The following PLEKHH2 variants were observed in gnomAD, a reference collection of about 807,000 sequenced individuals.
The protein encoded by PLEKHH2 is pleckstrin homology, MyTH4 and FERM domain containing H2.
A neutral mutation model predicts 187.9 loss-of-function variants in PLEKHH2; 129 were observed. The ratio of observed to expected loss-of-function variants is 0.69; its 90% CI spans 0.59 to 0.79. The LOEUF is 0.79. Among genes scored for constraint, PLEKHH2 ranks in the 30% least tolerant of loss-of-function variants. The pLI is 0.00. For missense variants in PLEKHH2, 2,076 were observed against 1,751.2 expected, an observed-to-expected ratio of 1.19 and a Z score of -3.31; for synonymous variants, 686 against 605.6, an observed-to-expected ratio of 1.13 and a Z score of -1.95.
At chr2:43,710,706 C>G in intron 14 of PLEKHH2, 131 bp downstream of exon 14, 2 of 1,440,416 alleles carry the variant, frequency 1.4e-6, no homozygotes, top group Non-Finnish European at 1.8e-6. Context: ...TAGTTTGATG[C>G]CTTGGAAGTA....
chr2:43,706,212 A>C (rs748914354), intron 9 of PLEKHH2, 110 bp from the exon 10 acceptor site: 4 of 771,748 alleles, frequency 5.2e-6, no homozygotes, highest in Non-Finnish European at 9.0e-6. Flanking sequence ...ATCATGTATT[A>C]ATCGAATTGC....
intron 28 of PLEKHH2, 58 bp downstream of exon 28, chr2:43,762,448 C>A: frequency 7.8e-7 from 1 of 1,286,452 alleles, no homozygotes; most frequent in Non-Finnish European, 1.1e-6. Flanking sequence ...CTCAGTGTAC[C>A]GTAAACAGAA....
chr2:43,762,050 A>G (rs1302314730), intron 27 of PLEKHH2, among the ~76,000 whole-genome samples: 1 of 152,206 alleles, frequency 6.6e-6, no homozygotes, highest in South Asian at 2.1e-4. Flanking sequence ...TTGAGCCTCA[A>G]ACAGATTCAG....
chr2:43,703,621 C>G (rs1669499583), intron 8 of PLEKHH2, among the ~76,000 whole-genome samples: 1 of 152,108 alleles, frequency 6.6e-6, no homozygotes, highest in African/African-American at 2.4e-5. Flanking sequence ...TGGTTTTTCT[C>G]CCCACCGCCA....
Position 43,694,061 on chromosome 2 carries a change from GA to G in PLEKHH2, c.337-361del, listed in dbSNP as rs199832890. On this transcript the variant is annotated intron_variant, in intron 4 of 29. Coordinates refer to ENST00000282406, the MANE Select transcript of PLEKHH2 (RefSeq NM_172069.4). Reference sequence around the variant, plus strand: ...ATCTTTGAAAGCTAGTATTTGAGGGGAAAAAAAAAGCCATGCCCCTAAGGAG... The same window carrying G: ...ATCTTTGAAAGCTAGTATTTGAGGGGAAAAAAAAGCCATGCCCCTAAGGAG... Among the ~76,000 whole-genome samples, 13 of 150,404 alleles carry G rather than the reference GA, an allele frequency of 8.6e-5. No homozygotes were observed. The East Asian group carries it at 1.4e-3, about 16-fold the overall frequency.
intron 15 of PLEKHH2, among the ~76,000 whole-genome samples, chr2:43,718,469 C>T (rs901061366): frequency 1.1e-4 from 16 of 151,244 alleles, no homozygotes; most frequent in African/African-American, 3.2e-4. Context: ...ACCCAGTAGG[C>T]GGAGGTTGCA....
chr2:43,750,333 A>G (rs1469230871), intron 24 of PLEKHH2, among the ~76,000 whole-genome samples: 1 of 152,162 alleles, frequency 6.6e-6, no homozygotes, highest in Non-Finnish European at 1.5e-5. Flanking sequence ...TTAGCTGGGC[A>G]TGGTGGCATG....
At chr2:43,702,558 T>A (rs1236886724) in intron 8 of PLEKHH2, among the ~76,000 whole-genome samples, 1 of 132,308 alleles carries the variant, frequency 7.6e-6, no homozygotes, top group African/African-American at 3.0e-5. Context: ...TTCCATTCTG[T>A]CTTCTCTTAC....
At chr2:43,758,035 AG>A (rs1472107352) in intron 26 of PLEKHH2, among the ~76,000 whole-genome samples, 1 of 152,240 alleles carries the variant, frequency 6.6e-6, no homozygotes, top group African/African-American at 2.4e-5. Flanking sequence ...GAATATATAA[AG>A]AGAAGCTGAT....
intron 2 of PLEKHH2, among the ~76,000 whole-genome samples, chr2:43,659,258 A>G (rs1441297548): frequency 6.6e-6 from 1 of 151,618 alleles, no homozygotes; most frequent in South Asian, 2.1e-4. Context: ...CAGCCTCCCA[A>G]AGTGTTGGGA....
At chr2:43,759,756 C>G (rs1213373806) in intron 27 of PLEKHH2, among the ~76,000 whole-genome samples, 2 of 152,202 alleles carry the variant, frequency 1.3e-5, no homozygotes, top group South Asian at 2.1e-4. Flanking sequence ...AAATCTTCCT[C>G]TTGTACCTAC....
At chr2:43,639,377 T>A (rs1034284363) in intron 1 of PLEKHH2, among the ~76,000 whole-genome samples, 1 of 152,170 alleles carries the variant, frequency 6.6e-6, no homozygotes, top group Admixed American at 6.5e-5. Flanking sequence ...TCTAGAATAT[T>A]TTCATCACCC....
chr2:43,641,284 T>C (rs1665907222), intron 1 of PLEKHH2, among the ~76,000 whole-genome samples: 1 of 152,178 alleles, frequency 6.6e-6, no homozygotes, highest in Non-Finnish European at 1.5e-5. Flanking sequence ...GTCCAATTTA[T>C]CTATTTTTTC....
chr2:43,742,869 A>G lies in PLEKHH2; in HGVS notation c.3350A>G (p.His1117Arg). The G allele has an allele frequency of 6.2e-7, 1 of 1,607,384 alleles. No individual in the cohort carries two copies. Among genetic ancestry groups the G allele is most frequent in the Non-Finnish European group, 8.5e-7 (1 of 1,177,648 alleles). Residue 1117 changes from histidine to arginine, a missense_variant, in exon 22 of 30, where the codon CAT (histidine) becomes CGT (arginine). Coordinates refer to ENST00000282406, the MANE Select transcript of PLEKHH2 (RefSeq NM_172069.4). ...ACTCTTCTCCGAAACCCTTATCACC[A>G]TTCTTTGCCCTTTAGTATACCTGTG... ...LSTLLRNPYH[H>R]SLPFSIPVHF...
rs1320142511 is a variant in PLEKHH2, at chr2:43,720,709, T to C, written c.2501T>C (p.Ile834Thr). The C allele has an allele frequency of 1.2e-6, 2 of 1,609,100 alleles. No individual in the cohort carries two copies. The highest frequency in any genetic ancestry group is 1.7e-6 in the Non-Finnish European group (2 of 1,178,508). Residue 834 changes from isoleucine to threonine, a missense_variant, in exon 16 of 30, where the codon ATA (isoleucine) becomes ACA (threonine). Coordinates refer to ENST00000282406, the MANE Select transcript of PLEKHH2 (RefSeq NM_172069.4). ...TCCAAGAGAGTCTGGTGTACACTAA[T>C]AGGAAAGACATTATATTATTTTCGG... ...GYSKRVWCTL[I>T]GKTLYYFRSQ...
rs145861045 is a variant in PLEKHH2 at position 43,764,272 on chromosome 2, A to T, written c.4203A>T (p.Gly1401=). The part of the protein sequence containing the change: ...SYVYKSLMTF[G]GYQDDFMVVI... ...TGTACAAGAGTCTAATGACCTTTGG[A>T]GGCTATCAAGATGATTTTATGGTAG... The change falls in exon 29 of 30, where the codon GGA becomes GGT. Residue 1401 remains glycine (G), a synonymous_variant. Coordinates refer to ENST00000282406, the MANE Select transcript of PLEKHH2 (RefSeq NM_172069.4). The T allele has an allele frequency of 6.3e-7, 1 of 1,584,330 alleles. No homozygotes were observed. Among genetic ancestry groups the T allele is most frequent in the African/African-American group, 1.4e-5 (1 of 73,748 alleles).
In PLEKHH2 at chr2:43,644,758, GT is replaced by G. The variant is rs1666107978; in HGVS notation, c.87del (p.Gln30LysfsTer9). 6.2e-7 allele frequency: 1 copy of G among 1,609,786 alleles called. No individual in the cohort carries two copies. The highest frequency in any genetic ancestry group is 1.1e-5 in the South Asian group (1 of 90,624). On this transcript the variant is annotated frameshift_variant, in exon 2 of 30. Coordinates refer to ENST00000282406, the MANE Select transcript of PLEKHH2 (RefSeq NM_172069.4). LOFTEE classifies it high-confidence loss of function. ...ALESQLMKFR[V>X]QASKIRELLA... ...GGAGTCCCAACTCATGAAATTTAGAGTTCAAGCAAGCAAGATACGAGAGCTT... is the reference window on the plus strand; with the variant it reads ...GGAGTCCCAACTCATGAAATTTAGAGTCAAGCAAGCAAGATACGAGAGCTT...
chr2:43,752,395 T>A (rs1416876146), intron 24 of PLEKHH2, among the ~76,000 whole-genome samples: 3 of 152,136 alleles, frequency 2.0e-5, no homozygotes, highest in African/African-American at 7.2e-5. Flanking sequence ...GAGGAAAGAA[T>A]GAATAGAATC....
chr2:43,684,956 T>C (rs1318034076), intron 3 of PLEKHH2, among the ~76,000 whole-genome samples: 1 of 152,224 alleles, frequency 6.6e-6, no homozygotes, highest in Non-Finnish European at 1.5e-5. Flanking sequence ...AGAAGGACTT[T>C]TTTTCTTTAC....
Sources: gnomAD v4.1 joint callset for allele counts (sites outside exome capture counted in the v4.1 genomes callset) on GRCh38, gnomAD v4.1.1 for gene constraint, MANE v1.5 for transcripts, NCBI Gene and HGNC (gene_info 2026-07-23, HGNC 2026-07-21) for gene names.